The following PCDHA8 variants were observed in gnomAD, a reference collection of about 807,000 sequenced individuals.
PCDHA8 encodes protocadherin alpha-8.
PCDHA8 carries 53 observed loss-of-function variants against 61.8 expected under a neutral mutation model. That is an observed-to-expected ratio of 0.86 (90% CI 0.69 to 1.08). PCDHA8 has a LOEUF of 1.08. Among genes scored for constraint, PCDHA8 ranks in the 50% least tolerant of loss-of-function variants. The probability of loss-of-function intolerance (pLI) is 0.00; values close to 1 mark genes in which losing one functional copy is unlikely to be tolerated. For missense variants in PCDHA8, 1,293 were observed against 1,245.0 expected (o/e 1.04, Z -0.58); for synonymous variants, 618 against 556.6 (o/e 1.11, Z -1.55).
At chr5:140,945,377 C>T (rs1183566005) in intron 1 of PCDHA8, among the ~76,000 whole-genome samples, 3 of 151,814 alleles carry the variant, frequency 2.0e-5, no homozygotes, top group African/African-American at 7.3e-5. Context: ...CCATATTACC[C>T]AAAGCAATAT....
At chr5:140,870,416 C>T in intron 1 of PCDHA8, 1 of 1,614,230 alleles carries the variant, frequency 6.2e-7, no homozygotes, top group Non-Finnish European at 8.5e-7. Flanking sequence ...TGGGCCACGG[C>T]CAGGGTATCC....
chr5:140,882,558 G>T (rs782792864), intron 1 of PCDHA8: 16 of 1,614,130 alleles, frequency 9.9e-6, no homozygotes, highest in Non-Finnish European at 1.1e-5. Flanking sequence ...GAGCTGTGTG[G>T]GCGGAGCGCG....
At position 141,011,460 on chromosome 5, in the gene PCDHA8, T is replaced by G. The variant is rs1285322141; in HGVS notation, c.*1523T>G. 6.5e-6 allele frequency: 1 copy of G among 153,832 alleles called. No homozygotes were observed. The highest frequency in any genetic ancestry group is 2.4e-5 in the African/African-American group (1 of 41,470). 9.5% of individuals were successfully genotyped at this position (153,832 alleles called of 1,614,324 possible). On this transcript the variant is annotated 3_prime_UTR_variant, in exon 4 of 4. Coordinates refer to ENST00000531613, the MANE Select transcript of PCDHA8 (RefSeq NM_018911.3). The stretch of plus-strand genomic sequence containing the variant: ...TAGAGTGAACTTTAAGCTTTATTGT[T>G]GAATGTAATTCCATTATATTTCCTT...
At chr5:140,940,528 A>G (rs1190387049) in intron 1 of PCDHA8, among the ~76,000 whole-genome samples, 6 of 152,156 alleles carry the variant, frequency 3.9e-5, no homozygotes, top group African/African-American at 1.4e-4. Flanking sequence ...AGCTCACTGC[A>G]ATCTTGAATT....
intron 1 of PCDHA8, chr5:140,868,273 C>A (rs1311976993): frequency 6.6e-6 from 1 of 151,892 alleles, no homozygotes; most frequent in Non-Finnish European, 1.5e-5. Flanking sequence ...TTTTTTAAAA[C>A]TACCAAGTTT....
intron 1 of PCDHA8, among the ~76,000 whole-genome samples, chr5:140,911,116 C>G (rs1184319768): frequency 6.6e-6 from 1 of 152,142 alleles, no homozygotes; most frequent in Non-Finnish European, 1.5e-5. Flanking sequence ...GAAGCCATCA[C>G]TGTTGCCTCA....
At chr5:140,956,281 G>A (rs551518322) in intron 1 of PCDHA8, among the ~76,000 whole-genome samples, 14 of 152,008 alleles carry the variant, frequency 9.2e-5, no homozygotes, top group Admixed American at 2.0e-4. Flanking sequence ...ATTGGCTGTG[G>A]GTTTATCATA....
intron 1 of PCDHA8, among the ~76,000 whole-genome samples, chr5:140,938,521 T>C (rs2092100005): frequency 6.6e-6 from 1 of 150,974 alleles, no homozygotes; most frequent in African/African-American, 2.4e-5. Context: ...TTTTCTGTTA[T>C]TGAATGGATA....
intron 1 of PCDHA8, chr5:140,867,940 ACTT>A (rs2050206930): frequency 6.6e-6 from 1 of 152,110 alleles, no homozygotes; most frequent in African/African-American, 2.4e-5. Flanking sequence ...TTTTCCATGA[ACTT>A]CTGCTCCCAA....
chr5:140,879,875 C>T (rs1040496825), intron 1 of PCDHA8, among the ~76,000 whole-genome samples: 39 of 152,326 alleles, frequency 2.6e-4, no homozygotes, highest in African/African-American at 8.7e-4. Flanking sequence ...TTCATGGTCA[C>T]ATTGCCTCCT....
intron 1 of PCDHA8, chr5:140,870,188 C>T: frequency 6.2e-7 from 1 of 1,614,142 alleles, no homozygotes; most frequent in Non-Finnish European, 8.5e-7. Flanking sequence ...CGAGAGGACG[C>T]TCAGCCCAGC....
intron 1 of PCDHA8, among the ~76,000 whole-genome samples, chr5:140,904,545 C>A (rs2071206893): frequency 6.6e-6 from 1 of 151,876 alleles, no homozygotes; most frequent in Admixed American, 6.6e-5. Context: ...GTATCTTTTT[C>A]ATATAATGAC....
intron 1 of PCDHA8, chr5:140,857,403 C>T (rs782020024): frequency 1.3e-6 from 2 of 1,598,418 alleles, no homozygotes; most frequent in African/African-American, 2.7e-5. Flanking sequence ...GACAACGCGC[C>T]TGCGTTCGCG....
intron 1 of PCDHA8, among the ~76,000 whole-genome samples, chr5:140,941,551 G>A (rs1247023682): frequency 4.0e-5 from 6 of 151,616 alleles, no homozygotes; most frequent in Non-Finnish European, 8.8e-5. Flanking sequence ...TCCTGACCTC[G>A]TGATCCATTC....
intron 1 of PCDHA8, chr5:140,929,452 T>C: frequency 1.5e-6 from 2 of 1,366,592 alleles, no homozygotes; most frequent in Non-Finnish European, 2.0e-6. Context: ...TTCTTAGCAC[T>C]TCCTGTGCCA....
intron 1 of PCDHA8, among the ~76,000 whole-genome samples, chr5:140,939,514 A>G (rs1280466076): frequency 2.0e-5 from 3 of 152,236 alleles, no homozygotes; most frequent in African/African-American, 7.2e-5. Flanking sequence ...TATAACATTA[A>G]TAGTTATAGA....
intron 1 of PCDHA8, among the ~76,000 whole-genome samples, chr5:140,899,594 G>A (rs1583347259): frequency 1.3e-5 from 2 of 152,238 alleles, no homozygotes; most frequent in Non-Finnish European, 2.9e-5. Flanking sequence ...GTATTTTATT[G>A]AGGACTTTTG....
chr5:140,953,522 G>A (rs246031), intron 1 of PCDHA8, among the ~76,000 whole-genome samples: 85,599 of 151,862 alleles, frequency 0.56, 24,738 homozygotes, highest in African/African-American at 0.69. Flanking sequence ...CAACAAAAAC[G>A]GGAAACTCAC....
intron 1 of PCDHA8, chr5:140,877,589 C>T (rs1554169905): frequency 1.2e-6 from 2 of 1,613,848 alleles, no homozygotes; most frequent in Non-Finnish European, 1.7e-6. Context: ...GCCATCTGTG[C>T]GGTGTCCAGC....
Sources: gnomAD v4.1 joint callset for allele counts (sites outside exome capture counted in the v4.1 genomes callset) on GRCh38, gnomAD v4.1.1 for gene constraint, MANE v1.5 for transcripts, NCBI Gene and HGNC (gene_info 2026-07-23, HGNC 2026-07-21) for gene names.